The following WHRN variants were observed in gnomAD, a reference collection of about 807,000 sequenced individuals.
The protein encoded by WHRN is whirlin, also known as CASK-interacting protein CIP98.
WHRN carries 41 observed loss-of-function variants against 68.3 expected under a neutral mutation model. The ratio of observed to expected loss-of-function variants is 0.60; its 90% CI spans 0.47 to 0.78. The LOEUF is 0.78. WHRN is among the 30% of genes least tolerant of loss of function. The pLI, the probability that WHRN is intolerant of heterozygous loss-of-function variation, is 0.00. For missense variants in WHRN, 1,243 were observed against 1,244.7 expected (o/e 1.00, Z 0.02); for synonymous variants, 560 against 561.3 (o/e 1.00, Z 0.03).
At chr9:114,468,246 C>T (rs1016594116) in intron 2 of WHRN, among the ~76,000 whole-genome samples, 3 of 152,158 alleles carry the variant, frequency 2.0e-5, no homozygotes. Context: ...CTCTCTGGCC[C>T]CTAGCAGATG....
chr9:114,438,934 C>A (rs1838128607), intron 3 of WHRN, among the ~76,000 whole-genome samples: 1 of 152,112 alleles, frequency 6.6e-6, no homozygotes, highest in Admixed American at 6.5e-5. Flanking sequence ...AGAGTACACA[C>A]GGCTGTCGAA....
intron 11 of WHRN, 40 bp downstream of exon 11, chr9:114,403,177 G>T: frequency 6.2e-7 from 1 of 1,613,160 alleles, no homozygotes; most frequent in South Asian, 1.1e-5. Flanking sequence ...GGCCTTTCAG[G>T]GGTAGGGAGA....
intron 2 of WHRN, among the ~76,000 whole-genome samples, chr9:114,471,912 G>A (rs1039996972): frequency 1.3e-5 from 2 of 152,176 alleles, no homozygotes; most frequent in Admixed American, 6.5e-5. Context: ...GTGATGGCAG[G>A]TGCAGTGGCT....
intron 3 of WHRN, among the ~76,000 whole-genome samples, chr9:114,454,728 T>A (rs985947622): frequency 2.0e-5 from 3 of 152,256 alleles, no homozygotes; most frequent in South Asian, 2.1e-4. Context: ...TAATTTTTTT[T>A]ATGGAAATAC....
chr9:114,404,986 G>A (rs1056846666), intron 9 of WHRN, among the ~76,000 whole-genome samples: 1 of 152,008 alleles, frequency 6.6e-6, no homozygotes, highest in African/African-American at 2.4e-5. Flanking sequence ...TCAGGCAGGG[G>A]CCATGCAGAG....
chr9:114,475,312 GAAC>G lies in WHRN; in HGVS notation c.837+3238_837+3240del, dbSNP rs574678955. 2.6e-3 allele frequency among the ~76,000 whole-genome samples: 399 copies of G among 152,268 alleles called. 5 individuals carry two copies. The highest frequency in any genetic ancestry group is 0.013 in the South Asian group (61 of 4,832). Reference sequence around the variant, plus strand: ...TGAGAGCTATAGAGGCTGCGGGTTAGAACAACATGGGAAGCCATACAGTGAGCA... The same window carrying G: ...TGAGAGCTATAGAGGCTGCGGGTTAGAACATGGGAAGCCATACAGTGAGCA... On this transcript the variant is annotated intron_variant, in intron 2 of 11. Coordinates refer to ENST00000362057, the MANE Select transcript of WHRN (RefSeq NM_015404.4).
At chr9:114,424,881 C>A in intron 5 of WHRN, 107 bp downstream of exon 5, 1 of 1,245,520 alleles carries the variant, frequency 8.0e-7, no homozygotes, top group Non-Finnish European at 1.2e-6. Context: ...AGGGGCTGCC[C>A]AGTTGGAATG....
intron 1 of WHRN, among the ~76,000 whole-genome samples, chr9:114,493,659 T>C (rs1345846534): frequency 6.6e-6 from 1 of 151,732 alleles, no homozygotes; most frequent in African/African-American, 2.4e-5. Context: ...ACAGACAACG[T>C]ACAAAATAAA....
intron 3 of WHRN, among the ~76,000 whole-genome samples, chr9:114,441,159 A>C (rs1838340249): frequency 6.6e-6 from 1 of 152,210 alleles, no homozygotes; most frequent in South Asian, 2.1e-4. Context: ...TTCTTTTTCT[A>C]GCTTTATTGT....
chr9:114,440,280 C>T (rs1838255188), intron 3 of WHRN, among the ~76,000 whole-genome samples: 2 of 152,060 alleles, frequency 1.3e-5, no homozygotes, highest in African/African-American at 4.8e-5. Flanking sequence ...CAGTGTTGCC[C>T]AGGCTCAGTG....
At chr9:114,444,387 C>T (rs1281265261) in intron 3 of WHRN, among the ~76,000 whole-genome samples, 2 of 152,064 alleles carry the variant, frequency 1.3e-5, no homozygotes, top group Non-Finnish European at 2.9e-5. Context: ...CATGGTATAT[C>T]CATACAGTAA....
chr9:114,480,109 T>C (rs1564207319), intron 1 of WHRN, among the ~76,000 whole-genome samples: 1 of 152,118 alleles, frequency 6.6e-6, no homozygotes. Context: ...TCCTTTTTTA[T>C]AGCAACTAAT....
At chr9:114,482,415 C>T (rs770098730) in intron 1 of WHRN, among the ~76,000 whole-genome samples, 5 of 152,170 alleles carry the variant, frequency 3.3e-5, no homozygotes, top group Non-Finnish European at 5.9e-5. Context: ...GGATTCCAGT[C>T]GCACTGGTGG....
intron 10 of WHRN, 67 bp downstream of exon 10, chr9:114,403,829 A>C (rs1589058120): frequency 6.3e-7 from 1 of 1,583,828 alleles, no homozygotes; most frequent in Non-Finnish European, 8.6e-7. Flanking sequence ...TGGTCCCGGG[A>C]CCTCCCATTC....
At position 114,423,531 on chromosome 9, in the gene WHRN, C is replaced by T. The variant is rs202228471; in HGVS notation, c.1417-8G>A. On this transcript the variant is annotated splice_region_variant and splice_polypyrimidine_tract_variant and intron_variant, in intron 6 of 11. Transcript: ENST00000362057. ...CTCAGAGAGGAGTGAGAACTGGAGGCGGGGACAAAAGGGGCACTCAGCAGG... is the reference window on the plus strand; with the variant it reads ...CTCAGAGAGGAGTGAGAACTGGAGGTGGGGACAAAAGGGGCACTCAGCAGG... The T allele has an allele frequency of 6.3e-5, 101 of 1,601,424 alleles. 1 individual carries two copies. The East Asian group carries it at 1.4e-3, about 23-fold the overall frequency.
chr9:114,459,484 C>T (rs753639830), intron 3 of WHRN, among the ~76,000 whole-genome samples: 94 of 152,016 alleles, frequency 6.2e-4, no homozygotes, highest in Non-Finnish European at 1.0e-3. Context: ...GTTCCTACCT[C>T]CTAGAGCTGG....
intron 7 of WHRN, among the ~76,000 whole-genome samples, chr9:114,415,582 G>A (rs558488706): frequency 2.6e-5 from 4 of 152,236 alleles, no homozygotes; most frequent in African/African-American, 9.6e-5. Context: ...CAGACTGGTC[G>A]GGGCCCATGT....
chr9:114,411,514 G>A (rs936253089), intron 7 of WHRN, among the ~76,000 whole-genome samples: 3 of 152,194 alleles, frequency 2.0e-5, no homozygotes, highest in East Asian at 1.9e-4. Context: ...GACCAATGCC[G>A]TGGGATCCTG....
At chr9:114,424,569 C>T (rs1247839294) in intron 5 of WHRN, 23 bp from the exon 6 acceptor site, 4 of 1,588,986 alleles carry the variant, frequency 2.5e-6, no homozygotes, top group Non-Finnish European at 3.4e-6. Flanking sequence ...AAGATAGAAG[C>T]CCAGGAATTC....
Sources: allele counts gnomAD v4.1 joint callset (sites outside exome capture counted in the v4.1 genomes callset), GRCh38; gene constraint gnomAD v4.1.1; transcripts MANE v1.5; gene names NCBI Gene and HGNC (gene_info 2026-07-23, HGNC 2026-07-21).